CSMD1: variants seen among roughly 807,000 people sequenced by gnomAD.
CSMD1 encodes the protein CUB and Sushi multiple domains 1.
A neutral mutation model predicts 417.5 loss-of-function variants in CSMD1; 213 were observed. The observed-to-expected ratio is 0.51, with a 90% confidence interval of 0.46 to 0.57. CSMD1 has a LOEUF of 0.57. CSMD1 is among the 20% of genes least tolerant of loss of function. The probability of loss-of-function intolerance (pLI) is 0.00; values close to 1 mark genes in which losing one functional copy is unlikely to be tolerated. For missense variants in CSMD1, 6,923 were observed against 4,529.7 expected (o/e 1.53, Z -15.17); for synonymous variants, 2,862 against 1,736.8 (o/e 1.65, Z -16.11).
intron 11 of CSMD1, among the ~76,000 whole-genome samples, chr8:3,470,612 A>C (rs78571478): frequency 0.036 from 5,503 of 152,258 alleles, 181 homozygotes; most frequent in East Asian, 0.16. Flanking sequence ...TAGTCAATGC[A>C]GGGCAGCTCC....
chr8:4,336,896 C>T (rs541469766), intron 3 of CSMD1, among the ~76,000 whole-genome samples: 2 of 152,034 alleles, frequency 1.3e-5, no homozygotes, highest in African/African-American at 2.4e-5. Context: ...AATGGGATTG[C>T]CTAATTTCCA....
intron 26 of CSMD1, among the ~76,000 whole-genome samples, chr8:3,263,164 T>C (rs2113348): frequency 0.69 from 105,244 of 152,100 alleles, 37,645 homozygotes; most frequent in Non-Finnish European, 0.79. Flanking sequence ...AGTGGCATGA[T>C]CGCAGCTCAC....
intron 5 of CSMD1, among the ~76,000 whole-genome samples, chr8:3,764,033 C>A (rs1168587492): frequency 6.6e-6 from 1 of 152,138 alleles, no homozygotes; most frequent in African/African-American, 2.4e-5. Flanking sequence ...GGCACACAGC[C>A]ACCCCTTGTT....
At chr8:3,497,792 T>G (rs4875234) in intron 10 of CSMD1, among the ~76,000 whole-genome samples, 93,243 of 151,994 alleles carry the variant, frequency 0.61, 28,691 homozygotes, top group South Asian at 0.66. Flanking sequence ...CATCCTCTAT[T>G]CCATTCTCAT....
intron 7 of CSMD1, among the ~76,000 whole-genome samples, chr8:3,691,804 G>T (rs564512309): frequency 6.6e-6 from 1 of 152,228 alleles, no homozygotes; most frequent in Non-Finnish European, 1.5e-5. Flanking sequence ...AAAAAAAGAG[G>T]CAGTTTCAGT....
At chr8:3,454,929 C>T (rs1233455264) in intron 12 of CSMD1, among the ~76,000 whole-genome samples, 1 of 152,154 alleles carries the variant, frequency 6.6e-6, no homozygotes, top group Non-Finnish European at 1.5e-5. Flanking sequence ...TTCCATTCTC[C>T]CCGTCACTTT....
At chr8:3,905,856 G>C (rs917611037) in intron 5 of CSMD1, among the ~76,000 whole-genome samples, 1 of 152,314 alleles carries the variant, frequency 6.6e-6, no homozygotes, top group Middle Eastern at 3.4e-3. Flanking sequence ...TCCGGACTGT[G>C]GACCCAATTT....
chr8:3,372,885 G>A (rs1810061108), intron 18 of CSMD1, among the ~76,000 whole-genome samples: 1 of 152,184 alleles, frequency 6.6e-6, no homozygotes, highest in African/African-American at 2.4e-5. Context: ...GGGAACTAAT[G>A]CCAGCGCACC....
At chr8:4,675,046 C>G (rs376709153) in intron 1 of CSMD1, among the ~76,000 whole-genome samples, 1 of 152,184 alleles carries the variant, frequency 6.6e-6, no homozygotes, top group Non-Finnish European at 1.5e-5. Flanking sequence ...TAGTGTTGGA[C>G]GCACAGGGCT....
intron 12 of CSMD1, among the ~76,000 whole-genome samples, chr8:3,426,252 C>G (rs1474959202): frequency 6.6e-6 from 1 of 152,168 alleles, no homozygotes; most frequent in Non-Finnish European, 1.5e-5. Flanking sequence ...CCTAAACGTT[C>G]CATCCTGCAC....
At chr8:4,079,253 G>C (rs549043203) in intron 3 of CSMD1, among the ~76,000 whole-genome samples, 1 of 152,260 alleles carries the variant, frequency 6.6e-6, no homozygotes, top group African/African-American at 2.4e-5. Flanking sequence ...ATAGCCCATG[G>C]AGAATAAAGT....
chr8:4,290,654 A>T (rs971122881), intron 3 of CSMD1, among the ~76,000 whole-genome samples: 1 of 152,216 alleles, frequency 6.6e-6, no homozygotes, highest in Non-Finnish European at 1.5e-5. Flanking sequence ...GTATATTCAT[A>T]ATTATGATCC....
At chr8:4,216,674 C>T (rs1266807036) in intron 3 of CSMD1, among the ~76,000 whole-genome samples, 1 of 152,114 alleles carries the variant, frequency 6.6e-6, no homozygotes, top group Non-Finnish European at 1.5e-5. Context: ...TGAAGGGAAG[C>T]TTCTCATGTT....
chr8:3,199,702 A>C lies in CSMD1; in HGVS notation c.5194+12T>G. The C allele has an allele frequency of 6.4e-7, 1 of 1,557,528 alleles. No homozygotes were observed. Among genetic ancestry groups the C allele is most frequent in the Non-Finnish European group, 8.7e-7 (1 of 1,144,560 alleles). ...CACAGTGACATGTGGAGACATGTGG[A>C]GTGACGCTTACCTTGATACACGAAG... On this transcript the variant is annotated intron_variant, in intron 33 of 69. Coordinates refer to ENST00000635120, the MANE Select transcript of CSMD1 (RefSeq NM_033225.6).
intron 5 of CSMD1, among the ~76,000 whole-genome samples, chr8:3,885,656 C>T (rs1351139624): frequency 6.6e-6 from 1 of 152,120 alleles, no homozygotes; most frequent in East Asian, 1.9e-4. Context: ...TATTCCCCCT[C>T]ATTATTCTCT....
At chr8:4,790,923 C>A (rs1797650963) in intron 1 of CSMD1, among the ~76,000 whole-genome samples, 2 of 152,092 alleles carry the variant, frequency 1.3e-5, no homozygotes, top group Admixed American at 6.5e-5. Context: ...TAGGCCCTGG[C>A]AAAGACTTAA....
In CSMD1 at chr8:3,052,587, G is replaced by T. The variant is rs751175274; in HGVS notation, c.7535C>A (p.Thr2512Asn). 2.5e-6 allele frequency: 4 copies of T among 1,611,946 alleles called. No homozygotes were observed. In the East Asian group the frequency reaches 6.7e-5, roughly 27 times the overall value. Reference sequence around the variant, plus strand: ...TTCATAGACCACTTTACTGTCCAAAGTGAACTCGTTCCCGGTAAATGAACC... The same window carrying T: ...TTCATAGACCACTTTACTGTCCAAATTGAACTCGTTCCCGGTAAATGAACC... ...GNGSFTGNEFTLDSKVVYECH... is the reference protein window; with the variant it reads ...GNGSFTGNEFNLDSKVVYECH... The change falls in exon 50 of 70, where the codon ACT becomes AAT. Residue 2512 changes from threonine to asparagine, a missense_variant. Transcript: ENST00000635120.
Position 4,215,475 on chromosome 8 carries a change from T to C in CSMD1, c.416-183376A>G, listed in dbSNP as rs547328496. ...GAATATTTTACACTGAGAAAAGAAT[T>C]TGGGGGCCGGGGTTTTATGAATACA... On this transcript the variant is annotated intron_variant, in intron 3 of 69. Transcript: ENST00000635120. Among the ~76,000 whole-genome samples, 210 of 145,934 alleles carry C rather than the reference T, an allele frequency of 1.4e-3. 1 individual carries two copies. The highest frequency in any genetic ancestry group is 4.9e-3 in the African/African-American group (193 of 39,124).
chr8:3,126,132 A>G (rs1321473734), intron 41 of CSMD1, among the ~76,000 whole-genome samples: 1 of 152,200 alleles, frequency 6.6e-6, no homozygotes, highest in Non-Finnish European at 1.5e-5. Context: ...GGACTTGAAC[A>G]TTCCACTTAA....
Sources: gnomAD v4.1 joint callset for allele counts (sites outside exome capture counted in the v4.1 genomes callset) on GRCh38, gnomAD v4.1.1 for gene constraint, MANE v1.5 for transcripts, NCBI Gene and HGNC (gene_info 2026-07-23, HGNC 2026-07-21) for gene names.